RASGRF2: variants seen among roughly 807,000 people sequenced by gnomAD.
RASGRF2 encodes ras-specific guanine nucleotide-releasing factor 2.
Under a neutral mutation model 151.0 loss-of-function variants are expected in RASGRF2, and 76 were observed. The ratio of observed to expected loss-of-function variants is 0.50; its 90% confidence interval spans 0.42 to 0.61. The LOEUF is 0.61. Among genes scored for constraint, RASGRF2 ranks in the 20% least tolerant of loss-of-function variants. The probability of loss-of-function intolerance (pLI) is 0.00; values close to 1 mark genes in which losing one functional copy is unlikely to be tolerated. For synonymous variants in RASGRF2, 504 were observed against 566.5 expected (o/e 0.89, Z 1.57); for missense variants, 1,148 against 1,564.6 (o/e 0.73, Z 4.49).
At chr5:81,082,484 G>A (rs74838795) in intron 7 of RASGRF2, among the ~76,000 whole-genome samples, 1,607 of 152,298 alleles carry the variant, frequency 0.011, 22 homozygotes, top group African/African-American at 0.037. Context: ...CTCACTCATA[G>A]CATCGGGGAA....
chr5:81,100,446 T>A (rs1235918916), intron 12 of RASGRF2, among the ~76,000 whole-genome samples: 3 of 152,196 alleles, frequency 2.0e-5, no homozygotes. Context: ...GAATGATTAA[T>A]CACACTCTTA....
Position 81,123,735 on chromosome 5 carries a change from C to G in RASGRF2, c.2564C>G (p.Thr855Ser). The G allele has an allele frequency of 1.2e-6, 2 of 1,613,968 alleles. No homozygotes were observed. The highest frequency in any genetic ancestry group is 1.7e-6 in the Non-Finnish European group (2 of 1,179,918). Residue 855 changes from threonine (T) to serine (S), a missense_variant, in exon 16 of 27, where the codon ACT (threonine) becomes AGT (serine). Physicochemically the swap from Thr to Ser is moderately conservative, Grantham distance 58 (BLOSUM62 1). Transcript: ENST00000265080. ...CTTTCACCTTGCAGATCCCCCTCAACTCCTCGGCACCTCCGCTATCGACAG... is the reference window on the plus strand; with the variant it reads ...CTTTCACCTTGCAGATCCCCCTCAAGTCCTCGGCACCTCCGCTATCGACAG... ...TELSPCRSPS[T>S]PRHLRYRQPG...
At chr5:80,975,091 T>A (rs1358891942) in intron 1 of RASGRF2, among the ~76,000 whole-genome samples, 1 of 151,826 alleles carries the variant, frequency 6.6e-6, no homozygotes. Context: ...CTCAGTCCCA[T>A]GAGATTGTCA....
chr5:81,159,311 T>C (rs1388778677), intron 17 of RASGRF2, among the ~76,000 whole-genome samples: 1 of 152,212 alleles, frequency 6.6e-6, no homozygotes, highest in Non-Finnish European at 1.5e-5. Flanking sequence ...CTGTTGCAAC[T>C]TCCCAACTCT....
At chr5:81,208,300 G>T in intron 21 of RASGRF2, 54 bp from the exon 22 acceptor site, 1 of 1,456,078 alleles carries the variant, frequency 6.9e-7, no homozygotes, top group East Asian at 2.3e-5. Context: ...CAGGATCATA[G>T]CCACCATATT....
intron 1 of RASGRF2, among the ~76,000 whole-genome samples, chr5:81,039,585 T>C (rs2112386959): frequency 6.6e-6 from 1 of 152,236 alleles, no homozygotes; most frequent in South Asian, 2.1e-4. Flanking sequence ...GTCATTAATA[T>C]AAACATCAAT....
intron 2 of RASGRF2, among the ~76,000 whole-genome samples, chr5:81,065,646 C>T (rs1751579614): frequency 6.6e-6 from 1 of 152,182 alleles, no homozygotes; most frequent in Admixed American, 6.5e-5. Context: ...TGCCTACGCT[C>T]TGTTGTTTAC....
At chr5:81,121,388 G>A (rs1474646415) in intron 15 of RASGRF2, among the ~76,000 whole-genome samples, 4 of 152,192 alleles carry the variant, frequency 2.6e-5, no homozygotes, top group South Asian at 4.1e-4. Context: ...GATGCCATAC[G>A]TCTCCCTCAC....
At chr5:81,205,819 C>T (rs535418432) in intron 19 of RASGRF2, among the ~76,000 whole-genome samples, 9 of 152,244 alleles carry the variant, frequency 5.9e-5, no homozygotes, top group African/African-American at 2.2e-4. Flanking sequence ...GGCGCTATCT[C>T]GGCTCACTGC....
intron 2 of RASGRF2, among the ~76,000 whole-genome samples, chr5:81,057,772 A>T (rs1308846759): frequency 6.6e-6 from 1 of 152,086 alleles, no homozygotes; most frequent in Non-Finnish European, 1.5e-5. Context: ...AGGCCAGTGG[A>T]TCACTTGAGC....
At chr5:80,979,308 AAG>A (rs1419267376) in intron 1 of RASGRF2, among the ~76,000 whole-genome samples, 1 of 152,244 alleles carries the variant, frequency 6.6e-6, no homozygotes, top group East Asian at 1.9e-4. Context: ...ATAGAAATGA[AAG>A]ACCAAATATA....
At chr5:80,975,381 G>T (rs1748080974) in intron 1 of RASGRF2, among the ~76,000 whole-genome samples, 3 of 151,866 alleles carry the variant, frequency 2.0e-5, no homozygotes, top group South Asian at 4.2e-4. Context: ...GTCGTTGAGG[G>T]GTGGGTCTGC....
chr5:81,024,558 C>T (rs1749949793), intron 1 of RASGRF2, among the ~76,000 whole-genome samples: 1 of 152,074 alleles, frequency 6.6e-6, no homozygotes, highest in Admixed American at 6.5e-5. Context: ...CAATGCCTGG[C>T]CTCATATGAT....
intron 12 of RASGRF2, among the ~76,000 whole-genome samples, chr5:81,107,638 A>G (rs972509411): frequency 3.3e-5 from 5 of 152,196 alleles, no homozygotes; most frequent in African/African-American, 7.2e-5. Context: ...ATTGTTTGCC[A>G]TCCTTTATCT....
intron 17 of RASGRF2, among the ~76,000 whole-genome samples, chr5:81,130,050 T>C (rs186851904): frequency 1.2e-4 from 18 of 152,356 alleles, no homozygotes; most frequent in African/African-American, 3.6e-4. Flanking sequence ...CGGCCAGCTC[T>C]TTCTCCCTTT....
At chr5:81,153,971 G>T (rs567655113) in intron 17 of RASGRF2, among the ~76,000 whole-genome samples, 1 of 150,270 alleles carries the variant, frequency 6.7e-6, no homozygotes. Context: ...AGCAAAGAGC[G>T]GTGTTTTATA....
chr5:81,099,523 C>T (rs1483569579), intron 12 of RASGRF2, among the ~76,000 whole-genome samples: 3 of 152,162 alleles, frequency 2.0e-5, no homozygotes, highest in Non-Finnish European at 4.4e-5. Context: ...AAAGCCTGAT[C>T]ACTCTCCTTA....
intron 1 of RASGRF2, among the ~76,000 whole-genome samples, chr5:81,027,728 T>C (rs1443143869): frequency 6.6e-6 from 1 of 152,180 alleles, no homozygotes; most frequent in Admixed American, 6.5e-5. Context: ...TCTAAAAGTG[T>C]AGTAAAAACA....
intron 18 of RASGRF2, among the ~76,000 whole-genome samples, chr5:81,185,642 G>A (rs1434749768): frequency 1.3e-5 from 2 of 152,094 alleles, no homozygotes; most frequent in Non-Finnish European, 2.9e-5. Context: ...GAGAGCCAGG[G>A]CTGGGCTCCC....
Sources: gnomAD v4.1 joint callset for allele counts (sites outside exome capture counted in the v4.1 genomes callset) on GRCh38, gnomAD v4.1.1 for gene constraint, MANE v1.5 for transcripts, NCBI Gene and HGNC (gene_info 2026-07-23, HGNC 2026-07-21) for gene names.